TNFSF4: variants seen among roughly 807,000 people sequenced by gnomAD.
TNFSF4 encodes the protein tumor necrosis factor ligand superfamily member 4.
TNFSF4 carries 4 observed loss-of-function variants against 7.3 expected under a neutral mutation model. The ratio of observed to expected loss-of-function variants is 0.55; its 90% CI spans 0.27 to 1.25. The LOEUF (loss-of-function observed/expected upper bound fraction) is 1.25, where lower values mean the gene tolerates loss of function less well. Among genes scored for constraint, TNFSF4 ranks in the 50% most tolerant of loss-of-function variants. The pLI, the probability that TNFSF4 is intolerant of heterozygous loss-of-function variation, is 0.12. For synonymous variants in TNFSF4, 76 were observed against 83.7 expected (o/e 0.91, Z 0.50); for missense variants, 181 against 208.8 (o/e 0.87, Z 0.82).
At chr1:173,304,370 G>T in the TNFSF4 span, among the ~76,000 whole-genome samples, 6 of 151,876 alleles carry the variant, frequency 4.0e-5, no homozygotes, top group Admixed American at 6.6e-5. Flanking sequence ...GGACTGGGTT[G>T]GGCATGGATG....
the TNFSF4 span, among the ~76,000 whole-genome samples, chr1:173,278,371 G>C: frequency 6.6e-6 from 1 of 151,950 alleles, no homozygotes; most frequent in Non-Finnish European, 1.5e-5. Flanking sequence ...GTTATCTCCA[G>C]CCTCCTTGAA....
chr1:173,188,745 C>G (rs1441381811), intron 1 of TNFSF4, among the ~76,000 whole-genome samples, 176 bp from the exon 2 acceptor site: 1 of 152,144 alleles, frequency 6.6e-6, no homozygotes, highest in Admixed American at 6.5e-5. Context: ...CAGGGTCTCA[C>G]TCTGACACCC....
the TNFSF4 span, among the ~76,000 whole-genome samples, chr1:173,380,053 C>T: frequency 2.0e-5 from 3 of 152,190 alleles, no homozygotes; most frequent in African/African-American, 7.2e-5. Flanking sequence ...TGACTTCCTC[C>T]TGGACACTGG....
chr1:173,210,128 C>T (rs928626217), upstream of TNFSF4, among the ~76,000 whole-genome samples: 3 of 150,916 alleles, frequency 2.0e-5, no homozygotes, highest in Admixed American at 6.6e-5. Flanking sequence ...TAAAAAAAAT[C>T]TACATTTTTC....
the TNFSF4 span, among the ~76,000 whole-genome samples, chr1:173,428,562 G>T: frequency 1.3e-5 from 2 of 152,208 alleles, no homozygotes; most frequent in African/African-American, 4.8e-5. Context: ...TTGTGCATAT[G>T]CATTTATGAG....
the TNFSF4 span, among the ~76,000 whole-genome samples, chr1:173,266,751 T>C: frequency 3.3e-5 from 5 of 152,132 alleles, no homozygotes; most frequent in Admixed American, 3.3e-4. Context: ...ACTCAAAAAA[T>C]AATACATATC....
At chr1:173,434,292 T>C in the TNFSF4 span, among the ~76,000 whole-genome samples, 2 of 152,272 alleles carry the variant, frequency 1.3e-5, no homozygotes, top group East Asian at 1.9e-4. Context: ...GCATGTTAAC[T>C]GTTATTATGA....
chr1:173,325,893 A>G, the TNFSF4 span, among the ~76,000 whole-genome samples: 1 of 152,138 alleles, frequency 6.6e-6, no homozygotes, highest in Non-Finnish European at 1.5e-5. Context: ...CAACCAAAAA[A>G]AGCCCAGGAC....
the TNFSF4 span, among the ~76,000 whole-genome samples, chr1:173,316,396 C>A: frequency 6.6e-6 from 1 of 151,958 alleles, no homozygotes; most frequent in Non-Finnish European, 1.5e-5. Context: ...TCAATTTTTT[C>A]TAAAATGCTT....
chr1:173,255,045 G>A, the TNFSF4 span, among the ~76,000 whole-genome samples: 1 of 152,118 alleles, frequency 6.6e-6, no homozygotes, highest in African/African-American at 2.4e-5. Flanking sequence ...AGAAGTTGCT[G>A]GGGAAAGGGG....
chr1:173,340,687 GTC>G, the TNFSF4 span, among the ~76,000 whole-genome samples: 1 of 152,102 alleles, frequency 6.6e-6, no homozygotes, highest in South Asian at 2.1e-4. Flanking sequence ...TTCCCTGGAG[GTC>G]TCTCTCCCCA....
the TNFSF4 span, among the ~76,000 whole-genome samples, chr1:173,257,045 C>T: frequency 6.6e-6 from 1 of 152,216 alleles, no homozygotes; most frequent in Non-Finnish European, 1.5e-5. Context: ...GAACTCATTG[C>T]CCATGTGGCT....
Position 173,186,806 on chromosome 1 carries a change from C to A in TNFSF4, c.262G>T (p.Val88Leu), listed in dbSNP as rs745541182. ...TTGATGATGACTGAGTTGTTCTGCA[C>A]CTTCATGATTTCATCCTCCTTTTGG... is the stretch of plus-strand genomic sequence containing the variant. The part of the protein sequence containing the change: ...TSQKEDEIMK[V>L]QNNSVIINCD... Residue 88 changes from valine (V) to leucine (L), a missense_variant, in exon 3 of 3, where the codon GTG (valine) becomes TTG (leucine). Val to Leu is a conservative substitution (Grantham distance 32). Coordinates refer to ENST00000281834, the MANE Select transcript of TNFSF4 (RefSeq NM_003326.5). 1 of 1,613,022 alleles carries A rather than the reference C, an allele frequency of 6.2e-7. No individual in the cohort carries two copies. Among genetic ancestry groups the A allele is most frequent in the South Asian group, 1.1e-5 (1 of 90,782 alleles).
chr1:173,358,418 T>C, the TNFSF4 span, among the ~76,000 whole-genome samples: 1 of 152,182 alleles, frequency 6.6e-6, no homozygotes, highest in Non-Finnish European at 1.5e-5. Context: ...AGAAAAAATA[T>C]TGTCTGCAAG....
chr1:173,343,278 G>A, the TNFSF4 span, among the ~76,000 whole-genome samples: 1 of 152,162 alleles, frequency 6.6e-6, no homozygotes, highest in Non-Finnish European at 1.5e-5. Flanking sequence ...GTCAGGGAAG[G>A]GAGTCATTGC....
chr1:173,382,622 G>C, the TNFSF4 span, among the ~76,000 whole-genome samples: 1 of 152,176 alleles, frequency 6.6e-6, no homozygotes, highest in African/African-American at 2.4e-5. Context: ...TGATTCCAGT[G>C]TGCAGCTAGG....
the TNFSF4 span, among the ~76,000 whole-genome samples, chr1:173,393,953 A>C: frequency 2.8e-4 from 42 of 152,236 alleles, no homozygotes; most frequent in Non-Finnish European, 5.1e-4. Flanking sequence ...TTCCTGACAA[A>C]GAAAAAAAGT....
At chr1:173,340,744 G>A in the TNFSF4 span, among the ~76,000 whole-genome samples, 1 of 151,406 alleles carries the variant, frequency 6.6e-6, no homozygotes, top group Admixed American at 6.6e-5. Context: ...ATGGGAATGA[G>A]GGGGAAGAGA....
chr1:173,227,259 G>T, the TNFSF4 span, among the ~76,000 whole-genome samples: 1 of 151,510 alleles, frequency 6.6e-6, no homozygotes. Context: ...ATAGTATTTT[G>T]GTTCTATCTT....
Sources: gnomAD v4.1 joint callset for allele counts (sites outside exome capture counted in the v4.1 genomes callset) on GRCh38, gnomAD v4.1.1 for gene constraint, MANE v1.5 for transcripts, NCBI Gene and HGNC (gene_info 2026-07-23, HGNC 2026-07-21) for gene names.